Variants in PLK5 observed in about 807,000 individuals in gnomAD.
The protein encoded by PLK5 is polo like kinase 5 (inactive).
Under a neutral mutation model 33.7 loss-of-function variants are expected in PLK5, and 28 were observed. The observed-to-expected ratio is 0.83, with a 90% CI of 0.62 to 1.14. The LOEUF is 1.14. Among genes scored for constraint, PLK5 ranks in the 50% most tolerant of loss-of-function variants. The pLI, the probability that PLK5 is intolerant of heterozygous loss-of-function variation, is 0.00. For missense variants in PLK5, 492 were observed against 461.5 expected (o/e 1.07, Z -0.61); for synonymous variants, 225 against 202.2 (o/e 1.11, Z -0.96).
chr19:1,530,139 A>AG (rs946205261), intron 11 of PLK5, among the ~76,000 whole-genome samples: 2 of 152,010 alleles, frequency 1.3e-5, no homozygotes, highest in African/African-American at 4.8e-5. Context: ...CACACTCCAA[A>AG]GGGGGACCCC....
intron 11 of PLK5, among the ~76,000 whole-genome samples, chr19:1,530,305 T>G (rs1913889504): frequency 1.3e-5 from 2 of 151,792 alleles, no homozygotes; most frequent in South Asian, 2.1e-4. Flanking sequence ...TTTTCTTTCT[T>G]TTTTTTTAAG....
At chr19:1,527,630 G>A (rs1023739278) in intron 6 of PLK5, among the ~76,000 whole-genome samples, 1 of 151,960 alleles carries the variant, frequency 6.6e-6, no homozygotes. Context: ...GCATTGAAAA[G>A]GTGTATGCAG....
rs1913764022 is a variant in PLK5 at position 1,527,085 on chromosome 19, C to T, written c.2+87C>T. 17 of 1,361,206 alleles carry T rather than the reference C, an allele frequency of 1.2e-5. No individual in the cohort carries two copies. The South Asian group carries it at 1.3e-4, about 10-fold the overall frequency. 84.3% of individuals were successfully genotyped at this position (1,361,206 alleles called of 1,614,324 possible). The stretch of plus-strand genomic sequence containing the variant: ...GAGCCTGCACGGAACAGGTGGGGAC[C>T]GTTGTGCAGGGTGGGGCGCGTGGAA... On this transcript the variant is annotated intron_variant, in intron 6 of 13. Transcript: ENST00000454744.
At chr19:1,531,949 C>G (rs981965177) in intron 12 of PLK5, 66 bp downstream of exon 12, 3 of 1,412,912 alleles carry the variant, frequency 2.1e-6, no homozygotes, top group Non-Finnish European at 2.8e-6. Context: ...ATTCATCTCT[C>G]AAGTATTTAT....
At chr19:1,528,998 C>CG (rs1436647970) in intron 9 of PLK5, 24 bp downstream of exon 9, 1 of 1,475,008 alleles carries the variant, frequency 6.8e-7, no homozygotes, top group Non-Finnish European at 9.0e-7. Context: ...GTGGGGGACA[C>CG]GGGGAGACAC....
At chr19:1,533,832 G>T in intron 12 of PLK5, 99 bp from the exon 13 acceptor site, 1 of 942,752 alleles carries the variant, frequency 1.1e-6, no homozygotes, top group South Asian at 1.5e-5. Flanking sequence ...GGCTGCCTGC[G>T]GCGGCGGCTG....
chr19:1,529,257 C>A, intron 9 of PLK5, 149 bp from the exon 10 acceptor site: 1 of 706,312 alleles, frequency 1.4e-6, no homozygotes, highest in Non-Finnish European at 2.3e-6. Flanking sequence ...GCCTCCGAGA[C>A]ACTCCGAGGC....
At chr19:1,532,667 T>C (rs538614958) in intron 12 of PLK5, among the ~76,000 whole-genome samples, 96 of 151,814 alleles carry the variant, frequency 6.3e-4, no homozygotes, top group Non-Finnish European at 1.1e-3. Context: ...GGATTACAGG[T>C]GCCCGCCACC....
intron 11 of PLK5, among the ~76,000 whole-genome samples, chr19:1,530,061 C>T (rs2656865): frequency 0.37 from 56,437 of 151,840 alleles, 12,716 homozygotes; most frequent in African/African-American, 0.64. Flanking sequence ...GACCCGGGCT[C>T]GTTAGAGACC....
intron 12 of PLK5, among the ~76,000 whole-genome samples, chr19:1,532,864 C>T (rs1913972408): frequency 1.3e-5 from 2 of 151,958 alleles, no homozygotes; most frequent in Admixed American, 1.3e-4. Context: ...GACGGGGTTT[C>T]ACTGTGTTAG....
intron 12 of PLK5, 140 bp from the exon 13 acceptor site, chr19:1,533,791 C>T (rs983543416): frequency 7.4e-6 from 5 of 677,220 alleles, no homozygotes; most frequent in African/African-American, 1.8e-5. Flanking sequence ...GCCTGCTGGG[C>T]GCCAAGCTGG....
intron 11 of PLK5, among the ~76,000 whole-genome samples, chr19:1,531,373 C>T (rs146526482): frequency 9.8e-5 from 15 of 152,288 alleles, no homozygotes; most frequent in Non-Finnish European, 1.5e-4. Flanking sequence ...TGCGCCACTG[C>T]ACTCCAGCCT....
chr19:1,531,118 C>T (rs554067590), intron 11 of PLK5, among the ~76,000 whole-genome samples: 1 of 150,536 alleles, frequency 6.6e-6, no homozygotes, highest in East Asian at 2.0e-4. Flanking sequence ...CAAGCAAAAA[C>T]CCAGAAACGG....
intron 13 of PLK5, 119 bp downstream of exon 13, chr19:1,534,160 A>AG (rs1437191247): frequency 3.5e-5 from 24 of 680,398 alleles, no homozygotes; most frequent in Admixed American, 6.0e-5. Flanking sequence ...CCCAGGAAAA[A>AG]AAAAAAAAAA....
chr19:1,532,357 A>G (rs1195365625), intron 12 of PLK5, among the ~76,000 whole-genome samples: 1 of 152,048 alleles, frequency 6.6e-6, no homozygotes, highest in African/African-American at 2.4e-5. Context: ...TTGGCCTCAT[A>G]GCAAGACCCC....
chr19:1,534,155 G>GGAA, intron 13 of PLK5, 114 bp downstream of exon 13: 1 of 527,444 alleles, frequency 1.9e-6, no homozygotes, highest in South Asian at 2.5e-5. Context: ...TGCCTCCCAG[G>GGAA]AAAAAAAAAA....
rs1290733919 is a variant in PLK5 at position 1,524,499 on chromosome 19, G to A, written c.-544+253G>A. On this transcript the variant is annotated intron_variant, in intron 1 of 13. Transcript: ENST00000454744. This position sits in a 1 kb window ranked among gnomAD's most constrained non-coding sequence, Gnocchi z 4.5. The stretch of plus-strand genomic sequence containing the variant: ...GGCGTGCGGCTCGGCCTCGGGATGC[G>A]ACGCTGTGTTGCCCCTGGGTGTGTG... Among the ~76,000 whole-genome samples the A allele has an allele frequency of 2.0e-5, 3 of 152,116 alleles. No homozygotes were observed. The highest frequency in any genetic ancestry group is 7.2e-5 in the African/African-American group (3 of 41,418).
intron 6 of PLK5, 96 bp from the exon 7 acceptor site, chr19:1,527,840 G>A: frequency 8.1e-7 from 1 of 1,240,884 alleles, no homozygotes; most frequent in Non-Finnish European, 1.1e-6. Context: ...GATATGGGTT[G>A]CACAGCTAAG....
At position 1,526,648 on chromosome 19, in the gene PLK5, G is replaced by T. The variant is rs1913749739; in HGVS notation, c.-183+33G>T. 1.0e-5 allele frequency: 4 copies of T among 383,724 alleles called. No individual in the cohort carries two copies. The East Asian group carries it at 2.5e-4, about 24-fold the overall frequency. 23.8% of individuals were successfully genotyped at this position (383,724 alleles called of 1,614,324 possible). ...CCAGGAAGGGGAACTGTGGGCGGGG[G>T]CGTCGGGAGGTGGGCACGGATCCAC... is the stretch of plus-strand genomic sequence containing the variant. On this transcript the variant is annotated intron_variant, in intron 4 of 13. Transcript: ENST00000454744.
Sources: gnomAD v4.1 joint callset for allele counts (sites outside exome capture counted in the v4.1 genomes callset) on GRCh38, gnomAD v4.1.1 for gene constraint, Gnocchi (gnomAD v3.1) non-coding constraint, MANE v1.5 for transcripts, NCBI Gene and HGNC (gene_info 2026-07-23, HGNC 2026-07-21) for gene names.